Variants in RNF150 observed in about 807,000 individuals in gnomAD.
The protein encoded by RNF150 is ring finger protein 150.
RNF150 carries 24 observed loss-of-function variants against 39.3 expected under a neutral mutation model. The ratio of observed to expected loss-of-function variants is 0.61; its 90% confidence interval spans 0.44 to 0.86. The LOEUF is 0.86. RNF150 is among the 40% of genes least tolerant of loss of function. The pLI, the probability that RNF150 is intolerant of heterozygous loss-of-function variation, is 0.00. For synonymous variants in RNF150, 255 were observed against 227.3 expected, an observed-to-expected ratio of 1.12 and a Z score of -1.10; for missense variants, 502 against 587.8, an observed-to-expected ratio of 0.85 and a Z score of 1.51.
At chr4:141,073,176 T>C (rs1325944565) in intron 1 of RNF150, among the ~76,000 whole-genome samples, 3 of 151,974 alleles carry the variant, frequency 2.0e-5, no homozygotes, top group Admixed American at 6.6e-5. Flanking sequence ...GAAGTGGAAA[T>C]AGGCTTGGAT....
intron 6 of RNF150, among the ~76,000 whole-genome samples, chr4:140,883,261 T>C (rs950795955): frequency 2.0e-5 from 3 of 152,208 alleles, no homozygotes; most frequent in African/African-American, 7.2e-5. Flanking sequence ...CTTTGTCCTT[T>C]AAATTCTATA....
chr4:140,965,189 T>A (rs537342205), intron 2 of RNF150, among the ~76,000 whole-genome samples: 1 of 152,178 alleles, frequency 6.6e-6, no homozygotes, highest in East Asian at 1.9e-4. Context: ...CACTATGAGA[T>A]CACACCTCAC....
intron 5 of RNF150, among the ~76,000 whole-genome samples, chr4:140,920,567 G>T (rs1385183202): frequency 8.6e-6 from 1 of 116,188 alleles, no homozygotes; most frequent in African/African-American, 3.1e-5. Flanking sequence ...GGAGAAATAG[G>T]AACACTTTTA....
intron 1 of RNF150, among the ~76,000 whole-genome samples, chr4:141,004,672 C>T (rs1283891797): frequency 6.6e-6 from 1 of 152,116 alleles, no homozygotes. Flanking sequence ...TAATCCTTTA[C>T]ATATTTTGTA....
At chr4:140,914,413 A>G (rs1730734073) in intron 5 of RNF150, among the ~76,000 whole-genome samples, 1 of 152,270 alleles carries the variant, frequency 6.6e-6, no homozygotes, top group Admixed American at 6.5e-5. Flanking sequence ...GCTATCTGCA[A>G]GTGAAAACTG....
At chr4:140,887,355 G>A (rs1037301181) in intron 6 of RNF150, among the ~76,000 whole-genome samples, 1 of 152,210 alleles carries the variant, frequency 6.6e-6, no homozygotes, top group East Asian at 1.9e-4. Context: ...ATGCTACGCA[G>A]TATGTGCACT....
intron 1 of RNF150, among the ~76,000 whole-genome samples, chr4:140,972,551 G>A (rs1733506476): frequency 6.6e-6 from 1 of 152,180 alleles, no homozygotes; most frequent in African/African-American, 2.4e-5. Flanking sequence ...CAGTATGAAT[G>A]TTTTAGCTAG....
At chr4:141,041,835 C>T (rs1312889160) in intron 1 of RNF150, among the ~76,000 whole-genome samples, 1 of 152,046 alleles carries the variant, frequency 6.6e-6, no homozygotes, top group Non-Finnish European at 1.5e-5. Context: ...CTTAGACCAT[C>T]TACAAAGCTA....
At chr4:141,073,912 T>C (rs1301697503) in intron 1 of RNF150, among the ~76,000 whole-genome samples, 1 of 151,932 alleles carries the variant, frequency 6.6e-6, no homozygotes, top group Non-Finnish European at 1.5e-5. Context: ...AGCCAGATGT[T>C]GCATTCAGTT....
intron 4 of RNF150, among the ~76,000 whole-genome samples, chr4:140,944,251 T>A (rs1444301990): frequency 1.3e-5 from 2 of 152,152 alleles, no homozygotes; most frequent in African/African-American, 4.8e-5. Context: ...TATAGTGTAA[T>A]GCATATTTTG....
chr4:141,041,392 C>A (rs772795209), intron 1 of RNF150, among the ~76,000 whole-genome samples: 2 of 151,964 alleles, frequency 1.3e-5, no homozygotes, highest in Non-Finnish European at 2.9e-5. Context: ...GAAGAGAATG[C>A]CATAGGATGG....
chr4:141,059,086 A>G (rs4956344), intron 1 of RNF150, among the ~76,000 whole-genome samples: 63,561 of 151,958 alleles, frequency 0.42, 15,135 homozygotes, highest in Non-Finnish European at 0.54. Flanking sequence ...TTTTGCCCCT[A>G]TCCTGTATCC....
intron 1 of RNF150, among the ~76,000 whole-genome samples, chr4:141,173,658 G>A (rs1223447304): frequency 6.6e-6 from 1 of 152,184 alleles, no homozygotes; most frequent in Non-Finnish European, 1.5e-5. Context: ...CCCAGGAGAA[G>A]ACTGAGTACA....
At chr4:141,049,439 T>C (rs914507506) in intron 1 of RNF150, among the ~76,000 whole-genome samples, 3 of 152,070 alleles carry the variant, frequency 2.0e-5, no homozygotes, top group Non-Finnish European at 2.9e-5. Context: ...GGTTTATTTC[T>C]AGTAAAATAA....
intron 1 of RNF150, among the ~76,000 whole-genome samples, chr4:140,984,809 T>C (rs541239738): frequency 2.0e-5 from 3 of 152,226 alleles, no homozygotes; most frequent in South Asian, 4.1e-4. Flanking sequence ...AATACCTCAG[T>C]TTCCTCCCTC....
chr4:140,884,853 G>C (rs1426842896), intron 6 of RNF150, among the ~76,000 whole-genome samples: 3 of 152,086 alleles, frequency 2.0e-5, no homozygotes, highest in African/African-American at 7.2e-5. Context: ...CTCTGAGTTG[G>C]GAGTTTTCTC....
At chr4:140,983,608 T>C (rs892709539) in intron 1 of RNF150, among the ~76,000 whole-genome samples, 12 of 152,096 alleles carry the variant, frequency 7.9e-5, no homozygotes, top group Non-Finnish European at 1.8e-4. Flanking sequence ...ACCTGTGCCA[T>C]TTTATTACCT....
intron 1 of RNF150, among the ~76,000 whole-genome samples, chr4:140,979,525 CAGTA>C (rs1332053349): frequency 6.6e-6 from 1 of 152,030 alleles, no homozygotes; most frequent in East Asian, 1.9e-4. Flanking sequence ...ACATTACATT[CAGTA>C]AGTATTAACA....
intron 1 of RNF150, 128 bp from the exon 2 acceptor site, chr4:140,968,001 G>A (rs1733318401): frequency 1.3e-6 from 1 of 786,312 alleles, no homozygotes; most frequent in Non-Finnish European, 2.0e-6. Flanking sequence ...TCTGTGCTGG[G>A]CTAAGAAGAC....
Sources: allele counts gnomAD v4.1 joint callset (sites outside exome capture counted in the v4.1 genomes callset), GRCh38; gene constraint gnomAD v4.1.1; transcripts MANE v1.5; gene names NCBI Gene and HGNC (gene_info 2026-07-23, HGNC 2026-07-21).